Variants in CSNK1G2 observed in about 807,000 individuals in gnomAD.
CSNK1G2 encodes the protein casein kinase 1 gamma 2, also known as casein kinase I isoform gamma-2.
CSNK1G2 carries 11 observed loss-of-function variants against 48.0 expected under a neutral mutation model. That is an observed-to-expected ratio of 0.23 (90% CI 0.14 to 0.38). CSNK1G2 has a LOEUF of 0.38. CSNK1G2 is among the 10% of genes least tolerant of loss of function. CSNK1G2 has a pLI of 1.00. For synonymous variants in CSNK1G2, 337 were observed against 254.1 expected (o/e 1.33, Z -3.10); for missense variants, 446 against 595.5 (o/e 0.75, Z 2.61).
chr19:1,965,191 C>T (rs1037424938), intron 1 of CSNK1G2, among the ~76,000 whole-genome samples: 5 of 149,514 alleles, frequency 3.3e-5, no homozygotes, highest in Middle Eastern at 3.2e-3. Flanking sequence ...GTCAGGAGAT[C>T]GAGACCACAG....
At position 1,942,001 on chromosome 19, in the gene CSNK1G2, C is replaced by T. The variant is rs2014383957; in HGVS notation, c.-266+583C>T. On this transcript the variant is annotated intron_variant, in intron 1 of 11. Transcript: ENST00000255641. ...TGTCTTGGCCTGGCCCCTCCCCACG[C>T]AGCTGTGTCCCCGTCCTCACTTTGT... is the stretch of plus-strand genomic sequence containing the variant. 2.6e-5 allele frequency among the ~76,000 whole-genome samples: 4 copies of T among 152,214 alleles called. No individual in the cohort carries two copies. In the Middle Eastern group the frequency reaches 0.01, roughly 388 times the overall value.
In CSNK1G2 at chr19:1,949,949, C is replaced by T. The variant is rs187156709; in HGVS notation, c.-266+8531C>T. On this transcript the variant is annotated intron_variant, in intron 1 of 11. Transcript: ENST00000255641. ...CAGATCCTGCACCCTGTGACGAGCA[C>T]GGCCAGTGGGACAGACAGATGGATG... 9.8e-5 allele frequency among the ~76,000 whole-genome samples: 15 copies of T among 152,312 alleles called. No individual in the cohort carries two copies. The East Asian group carries it at 1.3e-3, about 14-fold the overall frequency.
chr19:1,968,811 G>A (rs1599317756), intron 1 of CSNK1G2: 1 of 152,558 alleles, frequency 6.6e-6, no homozygotes, highest in South Asian at 2.1e-4. Context: ...CACCGAAGGG[G>A]ATGGGTCCGA....
At position 1,980,232 on chromosome 19, in the gene CSNK1G2, TCTC is replaced by T. The variant is rs1464856177; in HGVS notation, c.*31_*33del. The T allele has an allele frequency of 8.1e-6, 13 of 1,612,124 alleles. No homozygotes were observed. The highest frequency in any genetic ancestry group is 7.6e-6 in the Non-Finnish European group (9 of 1,179,518). On this transcript the variant is annotated 3_prime_UTR_variant, in exon 12 of 12. Transcript: ENST00000255641. Reference sequence around the variant, plus strand: ...TGGGCGCGTGCAGCCCCCTGAATCTTCTCCGTGCAGCCCCTTGGGGCGCGACCT... The same window carrying T: ...TGGGCGCGTGCAGCCCCCTGAATCTTCGTGCAGCCCCTTGGGGCGCGACCT...
chr19:1,941,824 C>G (rs1388502979), intron 1 of CSNK1G2, among the ~76,000 whole-genome samples: 16 of 148,674 alleles, frequency 1.1e-4, no homozygotes, highest in African/African-American at 3.7e-4. Flanking sequence ...CTCCAACTCT[C>G]CTGCCCTCCG....
intron 2 of CSNK1G2, among the ~76,000 whole-genome samples, chr19:1,971,832 C>T (rs1426948337): frequency 6.8e-6 from 1 of 147,250 alleles, no homozygotes; most frequent in Non-Finnish European, 1.5e-5. Context: ...TGCAGTGGCG[C>T]AATCTCGGCT....
intron 1 of CSNK1G2, chr19:1,953,429 C>G (rs949519195): frequency 1.9e-6 from 1 of 534,578 alleles, no homozygotes; most frequent in Non-Finnish European, 3.8e-6. Context: ...GGATTTGATG[C>G]AGATGTGTCC....
At chr19:1,954,866 C>T (rs529788027) in intron 1 of CSNK1G2, among the ~76,000 whole-genome samples, 7 of 152,264 alleles carry the variant, frequency 4.6e-5, no homozygotes, top group East Asian at 1.9e-4. Context: ...GGGACGGAAT[C>T]GTGGCTGCGT....
Position 1,961,038 on chromosome 19 carries a change from C to T in CSNK1G2, c.-265-8470C>T, listed in dbSNP as rs111713842. On this transcript the variant is annotated intron_variant, in intron 1 of 11. Coordinates refer to ENST00000255641, the MANE Select transcript of CSNK1G2 (RefSeq NM_001319.7). ...CGGGGCGTGGGCAGAGGAGAGGCTT[C>T]GGGCTCCGGTTTCCTCTCCTGTGGA... is the stretch of plus-strand genomic sequence containing the variant. Among the ~76,000 whole-genome samples, 13 of 152,328 alleles carry T rather than the reference C, an allele frequency of 8.5e-5. 1 individual carries two copies. Among genetic ancestry groups the T allele is most frequent in the African/African-American group, 2.9e-4 (12 of 41,582 alleles).
chr19:1,953,048 C>T (rs1431943673), intron 1 of CSNK1G2: 5 of 401,282 alleles, frequency 1.2e-5, no homozygotes, highest in South Asian at 9.3e-5. Context: ...GAAACGCAGC[C>T]CACCCAGGTT....
At chr19:1,977,330 C>A (rs527915382) in intron 2 of CSNK1G2, among the ~76,000 whole-genome samples, 1 of 152,202 alleles carries the variant, frequency 6.6e-6, no homozygotes, top group African/African-American at 2.4e-5. Flanking sequence ...TAGGCTCACC[C>A]CTCGGGTGCT....
chr19:1,969,320 C>T (rs907363237), intron 1 of CSNK1G2, among the ~76,000 whole-genome samples, 188 bp from the exon 2 acceptor site: 1 of 150,660 alleles, frequency 6.6e-6, no homozygotes, highest in African/African-American at 2.4e-5. Flanking sequence ...TCTCTGGCCT[C>T]TGATGTCATG....
chr19:1,976,450 T>C (rs1033038445), intron 2 of CSNK1G2, among the ~76,000 whole-genome samples: 1 of 152,210 alleles, frequency 6.6e-6, no homozygotes, highest in Admixed American at 6.5e-5. Context: ...GAAACTGTGC[T>C]GAAATAGAGC....
intron 2 of CSNK1G2, among the ~76,000 whole-genome samples, chr19:1,970,636 T>A (rs1415161229): frequency 1.3e-5 from 2 of 152,142 alleles, no homozygotes; most frequent in Non-Finnish European, 2.9e-5. Context: ...TTGGGGCCGT[T>A]CCCAGTCTGT....
At chr19:1,955,398 G>T (rs1189457963) in intron 1 of CSNK1G2, among the ~76,000 whole-genome samples, 1 of 152,188 alleles carries the variant, frequency 6.6e-6, no homozygotes. Context: ...ACCGTGGGCG[G>T]CAGGTGTGCA....
chr19:1,972,836 C>G (rs779495858), intron 2 of CSNK1G2, among the ~76,000 whole-genome samples: 29 of 151,814 alleles, frequency 1.9e-4, no homozygotes, highest in Non-Finnish European at 3.7e-4. Flanking sequence ...GTTGGCCAGG[C>G]TGGTCTTGAA....
chr19:1,970,088 A>G, intron 2 of CSNK1G2, 129 bp downstream of exon 2: 5 of 635,416 alleles, frequency 7.9e-6, no homozygotes, highest in Non-Finnish European at 1.1e-5. Context: ...TGTCACTGGC[A>G]GGTGCGTTGA....
At position 1,959,582 on chromosome 19, in the gene CSNK1G2, C is replaced by T. The variant is rs575837084; in HGVS notation, c.-265-9926C>T. Among the ~76,000 whole-genome samples the T allele has an allele frequency of 5.1e-3, 531 of 104,860 alleles. 9 individuals carry two copies. The highest frequency in any genetic ancestry group is 0.023 in the African/African-American group (411 of 17,760). 68.8% of individuals were successfully genotyped at this position (104,860 alleles called of 152,430 possible). A position where few individuals can be genotyped will look rare whatever the true frequency, so the allele number is the denominator to read the frequency against. Reference sequence around the variant, plus strand: ...GTGCCACCGTGGGTCCCCCAGCACCCGTCCCACCTTTAGTGCCACCCTGAG... The same window carrying T: ...GTGCCACCGTGGGTCCCCCAGCACCTGTCCCACCTTTAGTGCCACCCTGAG... On this transcript the variant is annotated intron_variant, in intron 1 of 11. Transcript: ENST00000255641.
chr19:1,955,961 A>C (rs891251998), intron 1 of CSNK1G2, among the ~76,000 whole-genome samples: 4 of 152,220 alleles, frequency 2.6e-5, no homozygotes, highest in Admixed American at 1.3e-4. Flanking sequence ...AACAGACGCC[A>C]GCGGGGCAGC....
Sources: allele counts gnomAD v4.1 joint callset (sites outside exome capture counted in the v4.1 genomes callset), GRCh38; gene constraint gnomAD v4.1.1; transcripts MANE v1.5; gene names NCBI Gene and HGNC (gene_info 2026-07-23, HGNC 2026-07-21).